Variants in RNF125 observed in about 807,000 individuals in gnomAD.
RNF125 encodes E3 ubiquitin-protein ligase RNF125.
RNF125 carries 21 observed loss-of-function variants against 26.0 expected under a neutral mutation model. The ratio of observed to expected loss-of-function variants is 0.81; its 90% CI spans 0.57 to 1.16. The LOEUF (loss-of-function observed/expected upper bound fraction) is 1.16. Among genes scored for constraint, RNF125 ranks in the 50% most tolerant of loss-of-function variants. RNF125 has a pLI of 0.00. For synonymous variants in RNF125, 95 were observed against 109.2 expected (o/e 0.87, Z 0.81); for missense variants, 270 against 299.4 (o/e 0.90, Z 0.72).
chr18:32,088,747 G>A, the RNF125 span, among the ~76,000 whole-genome samples: 1 of 152,130 alleles, frequency 6.6e-6, no homozygotes, highest in Non-Finnish European at 1.5e-5. Context: ...TGATCTGCCT[G>A]CCTCGGCCTC....
downstream of RNF125, among the ~76,000 whole-genome samples, chr18:32,077,765 A>G (rs2039580177): frequency 1.3e-5 from 2 of 151,880 alleles, no homozygotes; most frequent in Non-Finnish European, 2.9e-5. Flanking sequence ...TCTTAGCATA[A>G]TGTCTGGCAT....
At chr18:32,080,792 C>T in the RNF125 span, among the ~76,000 whole-genome samples, 1 of 152,300 alleles carries the variant, frequency 6.6e-6, no homozygotes, top group African/African-American at 2.4e-5. Flanking sequence ...GGGAGAATGG[C>T]GTGAACCCGG....
At chr18:32,035,867 T>C (rs2039147207) in intron 1 of RNF125, among the ~76,000 whole-genome samples, 1 of 152,158 alleles carries the variant, frequency 6.6e-6, no homozygotes, top group South Asian at 2.1e-4. Flanking sequence ...GAATTGTGTC[T>C]GGAGGCCGGG....
the RNF125 span, among the ~76,000 whole-genome samples, chr18:32,086,494 C>T: frequency 6.6e-6 from 1 of 151,524 alleles, no homozygotes; most frequent in East Asian, 1.9e-4. Flanking sequence ...TGGGATTACA[C>T]GTGTGAGCCA....
chr18:32,074,651 T>C (rs1457170139), downstream of RNF125, among the ~76,000 whole-genome samples: 1 of 152,164 alleles, frequency 6.6e-6, no homozygotes, highest in Admixed American at 6.5e-5. Flanking sequence ...CAAGCAATTC[T>C]CCTGTCTCAG....
the RNF125 span, among the ~76,000 whole-genome samples, chr18:32,086,362 T>G: frequency 6.6e-6 from 1 of 151,352 alleles, no homozygotes; most frequent in South Asian, 2.1e-4. Flanking sequence ...TGTGTTTTTT[T>G]TTTTTTTTTC....
downstream of RNF125, among the ~76,000 whole-genome samples, chr18:32,077,098 A>T (rs2039575128): frequency 1.3e-5 from 2 of 152,192 alleles, no homozygotes; most frequent in Non-Finnish European, 2.9e-5. Flanking sequence ...AAACAATGGC[A>T]CATGTCAAGT....
the RNF125 span, among the ~76,000 whole-genome samples, chr18:32,079,562 A>G: frequency 6.6e-6 from 1 of 152,214 alleles, no homozygotes; most frequent in Non-Finnish European, 1.5e-5. Context: ...TTTGTGCATT[A>G]TTGTTTCTGG....
Position 32,068,311 on chromosome 18 carries a change from T to C in RNF125, c.626T>C (p.Ile209Thr). The C allele has an allele frequency of 1.3e-6, 2 of 1,547,542 alleles. No individual in the cohort carries two copies. The highest frequency in any genetic ancestry group is 1.4e-5 in the African/African-American group (1 of 73,682). The change falls in exon 6 of 6, where the codon ATT (isoleucine) becomes ACT (threonine). Residue 209 changes from isoleucine to threonine, a missense_variant. Physicochemically the swap from Ile to Thr is moderately conservative, Grantham distance 89. Transcript: ENST00000217740. ...TCTTTATTGTAGGATTTTAATATAA[T>C]TGAGGAAGCTCTTATCCGAAGAGTC... is the stretch of plus-strand genomic sequence containing the variant. Reference protein sequence around the residue: ...FYDDFIDFNIIEEALIRRVLD... With the variant: ...FYDDFIDFNITEEALIRRVLD...
chr18:32,029,068 CTG>C (rs1463021669), intron 1 of RNF125, among the ~76,000 whole-genome samples: 1 of 152,196 alleles, frequency 6.6e-6, no homozygotes, highest in Non-Finnish European at 1.5e-5. Flanking sequence ...TGGAAGAACA[CTG>C]TGCCATGAAA....
chr18:32,059,322 G>A (rs111930577), intron 4 of RNF125, among the ~76,000 whole-genome samples: 7 of 152,062 alleles, frequency 4.6e-5, no homozygotes, highest in African/African-American at 1.4e-4. Context: ...TTTTACCTGC[G>A]GTGAGATGAT....
the RNF125 span, among the ~76,000 whole-genome samples, chr18:32,088,473 G>A: frequency 2.0e-5 from 3 of 152,120 alleles, no homozygotes; most frequent in East Asian, 3.9e-4. Context: ...AAGATCCATC[G>A]AACTTGACTG....
intron 4 of RNF125, among the ~76,000 whole-genome samples, chr18:32,046,972 G>A (rs531025353): frequency 2.0e-5 from 3 of 152,028 alleles, no homozygotes; most frequent in African/African-American, 7.2e-5. Flanking sequence ...AGGTTCAAGC[G>A]ATCCTCCTGC....
At chr18:32,021,093 T>G (rs1433097919) in intron 1 of RNF125, among the ~76,000 whole-genome samples, 4 of 152,186 alleles carry the variant, frequency 2.6e-5, no homozygotes, top group Non-Finnish European at 4.4e-5. Context: ...TGTTTTCTTT[T>G]CTTTTGAGAT....
chr18:32,019,797 G>C (rs953045368), intron 1 of RNF125, among the ~76,000 whole-genome samples: 5 of 152,134 alleles, frequency 3.3e-5, no homozygotes, highest in African/African-American at 1.2e-4. Flanking sequence ...CTTTACGCAC[G>C]GTCTCTCCAA....
intron 4 of RNF125, among the ~76,000 whole-genome samples, chr18:32,056,333 C>T (rs1368746549): frequency 1.3e-5 from 2 of 152,044 alleles, no homozygotes; most frequent in African/African-American, 4.8e-5. Context: ...AAGGACTGGC[C>T]TGGCGTGGTG....
chr18:32,040,064 C>G (rs182060589), intron 2 of RNF125, among the ~76,000 whole-genome samples: 250 of 152,030 alleles, frequency 1.6e-3, no homozygotes, highest in African/African-American at 5.1e-3. Flanking sequence ...CAAGTATGAG[C>G]CACTGCGCCC....
At chr18:32,044,640 G>C (rs2039250886) in intron 3 of RNF125, among the ~76,000 whole-genome samples, 1 of 152,078 alleles carries the variant, frequency 6.6e-6, no homozygotes, top group Admixed American at 6.6e-5. Context: ...TAGGAGAGAA[G>C]TGCAATCTGA....
chr18:32,051,694 C>CTTTTTTTTTTTTTTTT (rs71177837), intron 4 of RNF125, among the ~76,000 whole-genome samples: 1 of 118,032 alleles, frequency 8.5e-6, no homozygotes, highest in Non-Finnish European at 1.6e-5. Flanking sequence ...TATTTTCTTT[C>CTTTTTTTTTTTTTTTT]TTTTTTTTTT....
Sources: allele counts gnomAD v4.1 joint callset (sites outside exome capture counted in the v4.1 genomes callset), GRCh38; gene constraint gnomAD v4.1.1; transcripts MANE v1.5; gene names NCBI Gene and HGNC (gene_info 2026-07-23, HGNC 2026-07-21).